The following PRDM16 variants were observed in gnomAD, a reference collection of about 807,000 sequenced individuals.
PRDM16 encodes the protein histone-lysine N-methyltransferase PRDM16.
Under a neutral mutation model 110.6 loss-of-function variants are expected in PRDM16, and 23 were observed. That is an observed-to-expected ratio of 0.21 (90% confidence interval 0.15 to 0.29). The LOEUF is 0.29. Among genes scored for constraint, PRDM16 ranks in the 10% least tolerant of loss-of-function variants. The probability of loss-of-function intolerance (pLI) is 1.00; values close to 1 mark genes in which losing one functional copy is unlikely to be tolerated. For missense variants in PRDM16, 1,615 were observed against 1,794.3 expected, an observed-to-expected ratio of 0.90 and a Z score of 1.81; for synonymous variants, 799 against 781.8, an observed-to-expected ratio of 1.02 and a Z score of -0.37.
chr1:3,278,015 A>G (rs1640630342), intron 3 of PRDM16, among the ~76,000 whole-genome samples: 1 of 152,222 alleles, frequency 6.6e-6, no homozygotes, highest in Non-Finnish European at 1.5e-5. Context: ...TCATCTGAAA[A>G]GGAGGGAGGG....
At chr1:3,331,107 G>C (rs1272049712) in intron 3 of PRDM16, among the ~76,000 whole-genome samples, 1 of 152,242 alleles carries the variant, frequency 6.6e-6, no homozygotes, top group Non-Finnish European at 1.5e-5. Context: ...AGCCCACTCA[G>C]CCCTGCAAGC....
intron 2 of PRDM16, among the ~76,000 whole-genome samples, chr1:3,225,648 CT>C (rs137909285): frequency 6.6e-6 from 1 of 151,504 alleles, no homozygotes; most frequent in Non-Finnish European, 1.5e-5. Context: ...AGAATTCTAA[CT>C]TATTTTGGCG....
intron 1 of PRDM16, among the ~76,000 whole-genome samples, chr1:3,174,871 G>C (rs1277065048): frequency 2.0e-5 from 3 of 152,210 alleles, no homozygotes; most frequent in Non-Finnish European, 4.4e-5. Context: ...GTTTGAGATA[G>C]AAACGGCAAT....
At chr1:3,181,172 G>GCA (rs1644162680) in intron 1 of PRDM16, among the ~76,000 whole-genome samples, 3 of 121,302 alleles carry the variant, frequency 2.5e-5, no homozygotes, top group African/African-American at 3.6e-5. Flanking sequence ...GCGGTCTTAC[G>GCA]GTCTTACACA....
intron 3 of PRDM16, among the ~76,000 whole-genome samples, chr1:3,260,793 A>G (rs1187734105): frequency 1.8e-3 from 10 of 5,670 alleles, no homozygotes; most frequent in Non-Finnish European, 4.2e-4. Flanking sequence ...GATGATGGCA[A>G]TGATAGTGAT....
intron 3 of PRDM16, among the ~76,000 whole-genome samples, chr1:3,312,652 C>A (rs1368386048): frequency 1.3e-5 from 2 of 152,262 alleles, no homozygotes; most frequent in Non-Finnish European, 2.9e-5. Flanking sequence ...CTGTGCAGAA[C>A]CCGGCCTCGG....
intron 3 of PRDM16, among the ~76,000 whole-genome samples, chr1:3,355,008 T>C (rs1026986808): frequency 1.3e-5 from 2 of 151,488 alleles, no homozygotes; most frequent in African/African-American, 4.8e-5. Flanking sequence ...ACCTGTAGAG[T>C]GCTCTGTGGC....
intron 3 of PRDM16, among the ~76,000 whole-genome samples, chr1:3,282,203 T>C (rs1403024675): frequency 1.3e-5 from 2 of 152,234 alleles, no homozygotes; most frequent in Non-Finnish European, 1.5e-5. Flanking sequence ...AAGAGGCATG[T>C]GCTCAGGGAG....
intron 3 of PRDM16, among the ~76,000 whole-genome samples, chr1:3,288,228 C>T (rs775947790): frequency 1.3e-5 from 2 of 152,218 alleles, no homozygotes; most frequent in Non-Finnish European, 2.9e-5. Flanking sequence ...CTCTGACCCT[C>T]ATGCCCCCAG....
At chr1:3,229,958 C>A (rs1639369543) in intron 2 of PRDM16, among the ~76,000 whole-genome samples, 1 of 152,228 alleles carries the variant, frequency 6.6e-6, no homozygotes, top group Non-Finnish European at 1.5e-5. Flanking sequence ...CAGCTCCGTG[C>A]AGGTGTCGGG....
At chr1:3,283,875 G>A (rs897754917) in intron 3 of PRDM16, among the ~76,000 whole-genome samples, 7 of 152,266 alleles carry the variant, frequency 4.6e-5, no homozygotes, top group Admixed American at 1.3e-4. Flanking sequence ...AAGCTAAGAG[G>A]TTAGGATCTG....
rs1642021560 is a variant in PRDM16 at position 3,081,295 on chromosome 1, C to T, written c.37+11999C>T. ...CCCGTGCTGGCACCTGATAAGGGGTCATTCTGTGCTCTTTCCAGAGGGTTT... is the reference window on the plus strand; with the variant it reads ...CCCGTGCTGGCACCTGATAAGGGGTTATTCTGTGCTCTTTCCAGAGGGTTT... On this transcript the variant is annotated intron_variant, in intron 1 of 16. Coordinates refer to ENST00000270722, the MANE Select transcript of PRDM16 (RefSeq NM_022114.4). The surrounding 1 kb of genome is among the most constrained non-coding windows in gnomAD (Gnocchi z 4.6). 6.6e-6 allele frequency among the ~76,000 whole-genome samples: 1 copy of T among 152,194 alleles called. No individual in the cohort carries two copies. The highest frequency in any genetic ancestry group is 6.5e-5 in the Admixed American group (1 of 15,288).
intron 3 of PRDM16, among the ~76,000 whole-genome samples, chr1:3,281,826 G>T (rs549544565): frequency 6.6e-6 from 1 of 152,368 alleles, no homozygotes; most frequent in South Asian, 2.1e-4. Context: ...GTTGCTTTCA[G>T]GAAACCAGGG....
rs377312275 is a variant in PRDM16, at chr1:3,403,011, C to G, written c.884+13C>G. On this transcript the variant is annotated intron_variant, in intron 6 of 16. Coordinates refer to ENST00000270722, the MANE Select transcript of PRDM16 (RefSeq NM_022114.4). ...CCAACAAGTACAGGTGCCACGCCCT[C>G]CTCTGAGTCTTCCTCCCCTTCCCGT... 4.2e-4 allele frequency: 664 copies of G among 1,582,298 alleles called. No homozygotes were observed. Among genetic ancestry groups the G allele is most frequent in the Non-Finnish European group, 5.4e-4 (632 of 1,168,406 alleles).
At chr1:3,321,744 G>A (rs529378359) in intron 3 of PRDM16, among the ~76,000 whole-genome samples, 1 of 151,086 alleles carries the variant, frequency 6.6e-6, no homozygotes, top group African/African-American at 2.4e-5. Context: ...CATGTGTGCG[G>A]TGTGCACAAT....
rs754274180 is a variant in PRDM16, at chr1:3,417,818, A to C, written c.2692-10A>C. 6.2e-7 allele frequency: 1 copy of C among 1,613,268 alleles called. No homozygotes were observed. Among genetic ancestry groups the C allele is most frequent in the East Asian group, 2.2e-5 (1 of 44,880 alleles). ...GCTGAGTCCATAACCTCCCACTCTT[A>C]TGCCTACAGATGTCAGCCATAGAGA... On this transcript the variant is annotated splice_polypyrimidine_tract_variant and intron_variant, in intron 10 of 16. Transcript: ENST00000270722.
rs996016449 is a variant in PRDM16 at position 3,390,617 on chromosome 1, C to A, written c.573+5331C>A. On this transcript the variant is annotated intron_variant, in intron 4 of 16. Transcript: ENST00000270722. The surrounding 1 kb of genome is among the most constrained non-coding windows in gnomAD (Gnocchi z 5.0). ...AGCACCGCGTGGACAAGAGCCCGCG[C>A]GGGTTGTTCATGAGAACCAGGTGTC... Among the ~76,000 whole-genome samples, 80 of 152,108 alleles carry A rather than the reference C, an allele frequency of 5.3e-4. No individual in the cohort carries two copies. Among genetic ancestry groups the A allele is most frequent in the Non-Finnish European group, 1.8e-4 (12 of 68,012 alleles).
intron 1 of PRDM16, among the ~76,000 whole-genome samples, chr1:3,183,306 G>A (rs1644231808): frequency 6.6e-6 from 1 of 152,226 alleles, no homozygotes; most frequent in African/African-American, 2.4e-5. Context: ...GTGGAGAAGG[G>A]CTGACTCTGA....
chr1:3,179,866 G>A (rs1174081075), intron 1 of PRDM16, among the ~76,000 whole-genome samples: 1 of 152,168 alleles, frequency 6.6e-6, no homozygotes, highest in Non-Finnish European at 1.5e-5. Context: ...TGGCCTGAGT[G>A]TGGGTCACCC....
Sources: allele counts gnomAD v4.1 joint callset (sites outside exome capture counted in the v4.1 genomes callset), GRCh38; gene constraint gnomAD v4.1.1; non-coding constraint Gnocchi (gnomAD v3.1); transcripts MANE v1.5; gene names NCBI Gene and HGNC (gene_info 2026-07-23, HGNC 2026-07-21).